NPAT: variants seen among roughly 807,000 people sequenced by gnomAD.
The protein encoded by NPAT is protein NPAT.
A neutral mutation model predicts 130.7 loss-of-function variants in NPAT; 52 were observed. The observed-to-expected ratio is 0.40, with a 90% confidence interval of 0.32 to 0.50. NPAT has a LOEUF of 0.50. Ranked by LOEUF, NPAT falls within the 20% of genes least tolerant of loss-of-function variation. The probability of loss-of-function intolerance (pLI) is 0.68; values close to 1 mark genes in which losing one functional copy is unlikely to be tolerated. For missense variants in NPAT, 1,687 were observed against 1,662.6 expected (o/e 1.01, Z -0.26); for synonymous variants, 580 against 584.8 (o/e 0.99, Z 0.12).
At chr11:108,183,990 T>C (rs1446249426) in intron 10 of NPAT, among the ~76,000 whole-genome samples, 2 of 149,490 alleles carry the variant, frequency 1.3e-5, no homozygotes, top group Non-Finnish European at 3.0e-5. Flanking sequence ...AAAAAGTAAA[T>C]TAAAGGATAG....
At chr11:108,186,413 T>G in intron 8 of NPAT, 69 bp downstream of exon 8, 1 of 1,124,110 alleles carries the variant, frequency 8.9e-7, no homozygotes, top group African/African-American at 1.5e-5. Context: ...CATACATACA[T>G]TTGTGTATAT....
At chr11:108,197,507 G>A in intron 1 of NPAT, 87 bp from the exon 2 acceptor site, 1 of 877,262 alleles carries the variant, frequency 1.1e-6, no homozygotes, top group Non-Finnish European at 1.9e-6. Flanking sequence ...AGCATGTACT[G>A]ATGTCACAAT....
chr11:108,176,138 T>C (rs965502744), intron 12 of NPAT, 108 bp downstream of exon 12: 28 of 828,208 alleles, frequency 3.4e-5, no homozygotes, highest in Non-Finnish European at 5.3e-5. Flanking sequence ...AAAAATGACC[T>C]ATAACAATCT....
rs1246959979 is a variant in NPAT at position 108,172,303 on chromosome 11, G to T, written c.2681C>A (p.Ser894Tyr). Residue 894 changes from serine to tyrosine, a missense_variant, in exon 13 of 18, where the codon TCT becomes TAT. Coordinates refer to ENST00000278612, the MANE Select transcript of NPAT (RefSeq NM_002519.3). The part of the protein sequence containing the change: ...QSNVVVLPGN[S>Y]APMTAQPLPP... ...TAGAGGTTGAGCAGTCATAGGTGCA[G>T]AATTTCCAGGCAACACCACTACATT... The T allele has an allele frequency of 1.2e-6, 2 of 1,614,208 alleles. No individual in the cohort carries two copies. The highest frequency in any genetic ancestry group is 1.7e-5 in the Admixed American group (1 of 60,022).
chr11:108,172,244 T>A lies in NPAT; in HGVS notation c.2740A>T (p.Ser914Cys), dbSNP rs983297631. Residue 914 changes from serine to cysteine, a missense_variant, in exon 13 of 18, where the codon AGT (serine) becomes TGT (cysteine). Around this residue, in one of 3 missense-constraint regions of NPAT, gnomAD observed 1,379 missense variants for 1,346.6 expected, o/e 1.02. Coordinates refer to ENST00000278612, the MANE Select transcript of NPAT (RefSeq NM_002519.3). ...PQLQTPPRSN[S>C]VFAVNQAVSP... ...ACAGCTTGGTTGACAGCAAATACAC[T>A]GTTTGACCTTGGTGGTGTCTGTAAC... The A allele has an allele frequency of 1.2e-6, 2 of 1,613,984 alleles. No individual in the cohort carries two copies. Among genetic ancestry groups the A allele is most frequent in the East Asian group, 2.2e-5 (1 of 44,882 alleles).
At chr11:108,216,460 A>G (rs2078436578) in intron 1 of NPAT, among the ~76,000 whole-genome samples, 1 of 152,064 alleles carries the variant, frequency 6.6e-6, no homozygotes, top group South Asian at 2.1e-4. Context: ...AAACATATAC[A>G]ATATATTCAT....
chr11:108,178,609 G>C (rs1422738053), intron 10 of NPAT, among the ~76,000 whole-genome samples: 2 of 152,154 alleles, frequency 1.3e-5, no homozygotes, highest in South Asian at 2.1e-4. Flanking sequence ...TGTAATCCCA[G>C]CACTTTGGGA....
intron 1 of NPAT, among the ~76,000 whole-genome samples, chr11:108,212,597 T>C (rs2078394596): frequency 6.7e-6 from 1 of 149,260 alleles, no homozygotes; most frequent in African/African-American, 2.5e-5. Context: ...AGATGACATG[T>C]CTTATATAGA....
intron 1 of NPAT, among the ~76,000 whole-genome samples, chr11:108,213,610 C>T: frequency 6.6e-6 from 1 of 152,130 alleles, no homozygotes; most frequent in East Asian, 1.9e-4. Context: ...AACACAATTC[C>T]TATCATAATC....
In NPAT at chr11:108,197,310, A is replaced by C; in HGVS notation, c.148T>G (p.Cys50Gly). The change falls in exon 2 of 18, where the codon TGC (cysteine) becomes GGC (glycine). Residue 50 changes from cysteine to glycine, a missense_variant. Physicochemically the swap from Cys to Gly is radical, Grantham distance 159. Coordinates refer to ENST00000278612, the MANE Select transcript of NPAT (RefSeq NM_002519.3). The part of the protein sequence containing the change: ...HCTDEGFIPA[C>G]LLSLFGKNLT... ...AGGAACAAATAACTCACCAGTAAGC[A>C]GGCTGGAATAAACCCTTCATCTGTA... The C allele has an allele frequency of 1.9e-6, 3 of 1,583,394 alleles. No individual in the cohort carries two copies. The highest frequency in any genetic ancestry group is 2.6e-6 in the Non-Finnish European group (3 of 1,152,096).
At position 108,173,499 on chromosome 11, in the gene NPAT, C is replaced by G. The variant is rs368245210; in HGVS notation, c.1485G>C (p.Pro495=). The change falls in exon 13 of 18, where the codon CCG becomes CCC. Residue 495 remains proline (P), a synonymous_variant. Coordinates refer to ENST00000278612, the MANE Select transcript of NPAT (RefSeq NM_002519.3). ...IEKNSLSSNV[P]SESQLQPDQP... ...GATCAGGCTGTAACTGAGATTCACTCGGTACATTTGAAGACAAAGAGTTCT... is the reference window on the plus strand; with the variant it reads ...GATCAGGCTGTAACTGAGATTCACTGGGTACATTTGAAGACAAAGAGTTCT... The G allele has an allele frequency of 1.2e-6, 2 of 1,614,094 alleles. No homozygotes were observed. Among genetic ancestry groups the G allele is most frequent in the African/African-American group, 2.7e-5 (2 of 75,038 alleles).
chr11:108,184,609 C>T (rs1157927854), intron 10 of NPAT, among the ~76,000 whole-genome samples: 1 of 152,166 alleles, frequency 6.6e-6, no homozygotes, highest in Non-Finnish European at 1.5e-5. Context: ...CCGCTTACTG[C>T]AACCTCCGCC....
chr11:108,194,165 A>T, intron 2 of NPAT, 148 bp from the exon 3 acceptor site: 1 of 601,978 alleles, frequency 1.7e-6, no homozygotes, highest in Non-Finnish European at 3.0e-6. Flanking sequence ...ATCGAAAATG[A>T]AAATAGCCAC....
intron 9 of NPAT, 21 bp downstream of exon 9, chr11:108,185,382 T>C (rs1414744735): frequency 6.3e-7 from 1 of 1,579,742 alleles, no homozygotes; most frequent in African/African-American, 1.3e-5. Context: ...CAATTAGGCA[T>C]TTTAAACATA....
chr11:108,174,671 C>T (rs1474672891), intron 12 of NPAT, among the ~76,000 whole-genome samples: 3 of 145,790 alleles, frequency 2.1e-5, no homozygotes, highest in Admixed American at 1.4e-4. Context: ...TGGAGTGCAG[C>T]GGTGCGATTC....
chr11:108,186,384 T>G (rs755225830), intron 8 of NPAT, 98 bp downstream of exon 8: 1 of 881,416 alleles, frequency 1.1e-6, no homozygotes, highest in Non-Finnish European at 1.9e-6. Context: ...CTCCTGTTTC[T>G]TTATTTGATA....
intron 13 of NPAT, chr11:108,171,822 A>G (rs2077954311): frequency 1.7e-5 from 3 of 180,666 alleles, no homozygotes; most frequent in Admixed American, 1.7e-4. Flanking sequence ...AATTTCTCCA[A>G]AAAGATGATG....
In NPAT at chr11:108,173,781, A is replaced by C; in HGVS notation, c.1203T>G (p.Asn401Lys). Residue 401 changes from asparagine (N) to lysine (K), a missense_variant, in exon 13 of 18, where the codon AAT becomes AAG. Physicochemically the swap from Asn to Lys is moderately conservative, Grantham distance 94. This residue lies in a region of NPAT where 1,379 missense variants were observed against 1,346.6 expected (regional missense o/e 1.02). Coordinates refer to ENST00000278612, the MANE Select transcript of NPAT (RefSeq NM_002519.3). ...QNDDPLNALK[N>K]SNNHDVLRQE... ...GTCTAAGCACATCATGGTTGTTGCTATTCTTCAAAGCATTTAATGGGTCAT... is the reference window on the plus strand; with the variant it reads ...GTCTAAGCACATCATGGTTGTTGCTCTTCTTCAAAGCATTTAATGGGTCAT... The C allele has an allele frequency of 6.2e-7, 1 of 1,614,160 alleles. No homozygotes were observed.
At position 108,174,100 on chromosome 11, in the gene NPAT, G is replaced by A. The variant is rs2077982183; in HGVS notation, c.1133-249C>T. ...CTTGGAAGACAGATGATACAAAGAAGGAAAAAGTAAAGAGGTTTAATATTT... is the reference window on the plus strand; with the variant it reads ...CTTGGAAGACAGATGATACAAAGAAAGAAAAAGTAAAGAGGTTTAATATTT... On this transcript the variant is annotated intron_variant, in intron 12 of 17. Coordinates refer to ENST00000278612, the MANE Select transcript of NPAT (RefSeq NM_002519.3). Among the ~76,000 whole-genome samples, 6 of 152,094 alleles carry A rather than the reference G, an allele frequency of 3.9e-5. No individual in the cohort carries two copies. In the South Asian group the frequency reaches 1.2e-3, roughly 32 times the overall value.
Sources: allele counts gnomAD v4.1 joint callset (sites outside exome capture counted in the v4.1 genomes callset), GRCh38; gene constraint gnomAD v4.1.1; regional missense constraint gnomAD v4.1.1; transcripts MANE v1.5; gene names NCBI Gene and HGNC (gene_info 2026-07-23, HGNC 2026-07-21).